Variants in CADPS2 observed in about 807,000 individuals in gnomAD.
CADPS2 encodes calcium-dependent secretion activator 2.
In CADPS2, 93 loss-of-function variants were observed where a neutral mutation model predicts 172.5. The observed-to-expected ratio is 0.54, with a 90% CI of 0.46 to 0.64. The LOEUF (loss-of-function observed/expected upper bound fraction) is 0.64. CADPS2 is among the 30% of genes least tolerant of loss of function. CADPS2 has a pLI of 0.00. For missense variants in CADPS2, 1,420 were observed against 1,565.9 expected, an observed-to-expected ratio of 0.91 and a Z score of 1.57; for synonymous variants, 546 against 555.2, an observed-to-expected ratio of 0.98 and a Z score of 0.23.
intron 4 of CADPS2, among the ~76,000 whole-genome samples, chr7:122,627,448 T>C (rs2134126891): frequency 6.6e-6 from 1 of 152,330 alleles, no homozygotes; most frequent in East Asian, 1.9e-4. Flanking sequence ...CCATCAGCTT[T>C]ACTTCTTTCT....
chr7:122,723,472 A>G (rs2090716878), intron 2 of CADPS2, among the ~76,000 whole-genome samples: 1 of 152,206 alleles, frequency 6.6e-6, no homozygotes, highest in Non-Finnish European at 1.5e-5. Flanking sequence ...TCAAAACCAC[A>G]ATGAGATACC....
intron 3 of CADPS2, among the ~76,000 whole-genome samples, chr7:122,635,110 G>T (rs951321345): frequency 1.4e-4 from 22 of 152,094 alleles, no homozygotes; most frequent in African/African-American, 4.8e-4. Flanking sequence ...CAGATGAGAA[G>T]AATGTATATT....
intron 15 of CADPS2, among the ~76,000 whole-genome samples, chr7:122,446,476 G>T (rs1188079189): frequency 6.6e-6 from 1 of 152,106 alleles, no homozygotes; most frequent in Non-Finnish European, 1.5e-5. Flanking sequence ...AACCTAATGA[G>T]TACTCTATAG....
intron 1 of CADPS2, among the ~76,000 whole-genome samples, chr7:122,839,368 G>A (rs1172257616): frequency 1.3e-5 from 2 of 152,072 alleles, no homozygotes; most frequent in Non-Finnish European, 2.9e-5. Flanking sequence ...CATAGGCATG[G>A]GCAAGGACTT....
At chr7:122,862,884 G>C (rs1374597782) in intron 1 of CADPS2, among the ~76,000 whole-genome samples, 2 of 152,040 alleles carry the variant, frequency 1.3e-5, no homozygotes, top group Non-Finnish European at 2.9e-5. Context: ...TAAACACTTA[G>C]ATATAACTAG....
At chr7:122,557,337 C>T (rs946356709) in intron 7 of CADPS2, among the ~76,000 whole-genome samples, 1 of 152,122 alleles carries the variant, frequency 6.6e-6, no homozygotes, top group African/African-American at 2.4e-5. Flanking sequence ...TCAGAACACA[C>T]AATACAGCTC....
chr7:122,565,300 T>C (rs1214420778), intron 7 of CADPS2, among the ~76,000 whole-genome samples: 1 of 151,260 alleles, frequency 6.6e-6, no homozygotes, highest in African/African-American at 2.4e-5. Flanking sequence ...ACTTAAGCAA[T>C]GGGAAAGGAA....
intron 2 of CADPS2, among the ~76,000 whole-genome samples, chr7:122,684,075 T>C (rs964656959): frequency 8.5e-5 from 13 of 152,356 alleles, no homozygotes; most frequent in African/African-American, 2.4e-4. Flanking sequence ...ATTAAATGTA[T>C]AGAGAGCTCA....
intron 1 of CADPS2, among the ~76,000 whole-genome samples, chr7:122,747,198 C>T (rs1183697731): frequency 6.6e-6 from 1 of 152,004 alleles, no homozygotes; most frequent in Admixed American, 6.6e-5. Context: ...CAATAGAAAG[C>T]CATTCCCCCC....
At chr7:122,325,608 G>A (rs1298455686) in intron 28 of CADPS2, 27 bp from the exon 29 acceptor site, 2 of 1,460,840 alleles carry the variant, frequency 1.4e-6, no homozygotes, top group Non-Finnish European at 1.9e-6. Flanking sequence ...GGGCACAGGG[G>A]AGGAGAACAA....
At chr7:122,745,405 C>T (rs952928602) in intron 1 of CADPS2, among the ~76,000 whole-genome samples, 1 of 151,842 alleles carries the variant, frequency 6.6e-6, no homozygotes, top group Non-Finnish European at 1.5e-5. Flanking sequence ...AGAATTTCAA[C>T]CAGCATCTTG....
intron 8 of CADPS2, among the ~76,000 whole-genome samples, chr7:122,522,704 T>C (rs2060902334): frequency 1.3e-5 from 2 of 152,002 alleles, no homozygotes; most frequent in Admixed American, 1.3e-4. Context: ...CCAACCTCTC[T>C]TCAGCCCCAT....
chr7:122,437,584 A>AT (rs985463452), intron 17 of CADPS2, among the ~76,000 whole-genome samples: 13 of 151,952 alleles, frequency 8.6e-5, no homozygotes, highest in Admixed American at 2.6e-4. Context: ...CATTAACTGC[A>AT]TTTTTTCCCT....
At chr7:122,789,795 A>C (rs1794859701) in intron 1 of CADPS2, among the ~76,000 whole-genome samples, 1 of 152,220 alleles carries the variant, frequency 6.6e-6, no homozygotes, top group African/African-American at 2.4e-5. Flanking sequence ...ACTGTTTAGA[A>C]AGGCAAAAAC....
At chr7:122,730,360 A>C (rs1273195343) in intron 2 of CADPS2, among the ~76,000 whole-genome samples, 1 of 151,764 alleles carries the variant, frequency 6.6e-6, no homozygotes, top group Non-Finnish European at 1.5e-5. Flanking sequence ...ACCTGTTACT[A>C]CTTTGAGGGC....
chr7:122,502,797 A>C (rs745376479), intron 9 of CADPS2, among the ~76,000 whole-genome samples: 5 of 152,072 alleles, frequency 3.3e-5, no homozygotes, highest in Non-Finnish European at 7.4e-5. Context: ...ATACTCATTT[A>C]TCTCTCAAAT....
chr7:122,516,609 A>G (rs1262954645), intron 8 of CADPS2, among the ~76,000 whole-genome samples: 1 of 152,146 alleles, frequency 6.6e-6, no homozygotes, highest in African/African-American at 2.4e-5. Flanking sequence ...AAACACTCAA[A>G]AACAATCTAA....
chr7:122,655,129 T>C (rs931010560), intron 3 of CADPS2, among the ~76,000 whole-genome samples: 10 of 152,158 alleles, frequency 6.6e-5, no homozygotes, highest in Admixed American at 2.0e-4. Flanking sequence ...ACAAAGAAAG[T>C]TGTGTCTTGA....
intron 8 of CADPS2, among the ~76,000 whole-genome samples, chr7:122,527,613 A>AGT (rs1178150682): frequency 5.9e-5 from 6 of 101,998 alleles, no homozygotes; most frequent in East Asian, 2.1e-4. Context: ...AGAGAGAGAG[A>AGT]GAGAGTGTGT....
Sources: gnomAD v4.1 joint callset for allele counts (sites outside exome capture counted in the v4.1 genomes callset) on GRCh38, gnomAD v4.1.1 for gene constraint, MANE v1.5 for transcripts, NCBI Gene and HGNC (gene_info 2026-07-23, HGNC 2026-07-21) for gene names.